GALNT5: variants seen among roughly 807,000 people sequenced by gnomAD.
The protein encoded by GALNT5 is UDP-GalNAc:polypeptide N-acetylgalactosaminyltransferase 5.
A neutral mutation model predicts 85.4 loss-of-function variants in GALNT5; 72 were observed. That is an observed-to-expected ratio of 0.84 (90% CI 0.70 to 1.03). GALNT5 has a LOEUF of 1.03. Among genes scored for constraint, GALNT5 ranks in the 50% least tolerant of loss-of-function variants. The pLI, the probability that GALNT5 is intolerant of heterozygous loss-of-function variation, is 0.00. For synonymous variants in GALNT5, 404 were observed against 397.0 expected, an observed-to-expected ratio of 1.02 and a Z score of -0.21; for missense variants, 1,137 against 1,135.5, an observed-to-expected ratio of 1.00 and a Z score of -0.02.
chr2:157,289,017 G>A, intron 3 of GALNT5, among the ~76,000 whole-genome samples: 1 of 152,178 alleles, frequency 6.6e-6, no homozygotes, highest in East Asian at 1.9e-4. Flanking sequence ...AGCAGGTTTG[G>A]AATTGCAGTT....
intron 3 of GALNT5, among the ~76,000 whole-genome samples, chr2:157,295,061 A>T (rs905761140): frequency 2.0e-5 from 3 of 152,136 alleles, no homozygotes; most frequent in African/African-American, 7.2e-5. Context: ...GTGCAGGCCC[A>T]TAGTGTTACA....
At chr2:157,271,547 T>C (rs746984624) in intron 1 of GALNT5, among the ~76,000 whole-genome samples, 4 of 152,184 alleles carry the variant, frequency 2.6e-5, no homozygotes, top group African/African-American at 4.8e-5. Context: ...ATGTTATAGC[T>C]GAGATATCTG....
Position 157,296,434 on chromosome 2 carries a change from T to C in GALNT5, c.1918T>C (p.Trp640Arg). Residue 640 changes from tryptophan to arginine, a missense_variant, in exon 5 of 10, where the codon TGG becomes CGG. By Grantham distance (101) the Trp-to-Arg change is moderately radical. Coordinates refer to ENST00000259056, the MANE Select transcript of GALNT5 (RefSeq NM_014568.3). ...VDNFQRGIFV[W>R]PMNFGWRTIP... ...TAACTTTCAAAGAGGCATCTTTGTG[T>C]GGCCCATGAACTTTGGTTGGAGAAC... The C allele has an allele frequency of 6.2e-7, 1 of 1,608,734 alleles. No homozygotes were observed. The highest frequency in any genetic ancestry group is 8.5e-7 in the Non-Finnish European group (1 of 1,175,224).
rs1290855634 is a variant in GALNT5 at position 157,317,200 on chromosome 2, T to TA, written c.*5852_*5853insA. Among the ~76,000 whole-genome samples the TA allele has an allele frequency of 0.025, 3,154 of 128,224 alleles. 43 individuals carry two copies. Among genetic ancestry groups the TA allele is most frequent in the Non-Finnish European group, 0.034 (2,019 of 59,504 alleles). The allele number at this position is 128,224 out of a possible 152,430, so 84.1% of individuals were successfully genotyped here. A position where few individuals can be genotyped will look rare whatever the true frequency, so the allele number is the denominator to read the frequency against. On this transcript the variant is annotated 3_prime_UTR_variant, in exon 10 of 10. Coordinates refer to ENST00000259056, the MANE Select transcript of GALNT5 (RefSeq NM_014568.3). ...TATATATATATATATATATATATAT[T>TA]TTTTTTTTTGATGCTTTGATCTGGA...
At chr2:157,287,058 T>G (rs985764685) in intron 3 of GALNT5, among the ~76,000 whole-genome samples, 5 of 152,148 alleles carry the variant, frequency 3.3e-5, no homozygotes, top group African/African-American at 1.2e-4. Context: ...TGCTACTACA[T>G]AGGTGATAGA....
intron 7 of GALNT5, 136 bp from the exon 8 acceptor site, chr2:157,305,613 G>C (rs1036536870): frequency 3.4e-6 from 2 of 592,842 alleles, no homozygotes; most frequent in African/African-American, 3.7e-5. Flanking sequence ...AATAAAACTG[G>C]ATAGTGCTAA....
chr2:157,275,608 A>C (rs182447538), intron 1 of GALNT5, among the ~76,000 whole-genome samples: 1 of 152,292 alleles, frequency 6.6e-6, no homozygotes, highest in African/African-American at 2.4e-5. Flanking sequence ...GAGTTCACTA[A>C]TGATTTGGCT....
In GALNT5 at chr2:157,296,410, A is replaced by ATT. The variant is rs1226720811; in HGVS notation, c.1894_1895insTT (p.Asn632IlefsTer12). 4.3e-6 allele frequency: 7 copies of ATT among 1,609,752 alleles called. No homozygotes were observed. The highest frequency in any genetic ancestry group is 6.0e-6 in the Non-Finnish European group (7 of 1,176,124). On this transcript the variant is annotated frameshift_variant, in exon 5 of 10. Coordinates refer to ENST00000259056, the MANE Select transcript of GALNT5 (RefSeq NM_014568.3). LOFTEE classifies it high-confidence loss of function. ...CTGGATTAGTTACATGACAGTGGAT[A>ATT]ACTTTCAAAGAGGCATCTTTGTGTG... is the stretch of plus-strand genomic sequence containing the variant.
intron 1 of GALNT5, among the ~76,000 whole-genome samples, chr2:157,279,962 A>T (rs908801973): frequency 6.6e-6 from 1 of 152,054 alleles, no homozygotes. Flanking sequence ...ACAGACCTCA[A>T]TTTTTTGTAT....
chr2:157,274,779 C>G (rs934710072), intron 1 of GALNT5, among the ~76,000 whole-genome samples: 1 of 152,040 alleles, frequency 6.6e-6, no homozygotes, highest in African/African-American at 2.4e-5. Context: ...ATTCTGTAGG[C>G]TGCCTGTTCA....
intron 5 of GALNT5, among the ~76,000 whole-genome samples, chr2:157,298,230 A>G (rs2105159271): frequency 6.6e-6 from 1 of 152,256 alleles, no homozygotes; most frequent in South Asian, 2.1e-4. Context: ...ATTCCTGCTG[A>G]CTTCCCAAAC....
chr2:157,285,865 C>A lies in GALNT5; in HGVS notation c.1622-150C>A, dbSNP rs187287249. ...AGATAGAATCCTTCCAAGAAAATGA[C>A]ATCAGAAAATAAAATTATGACCCAA... is the stretch of plus-strand genomic sequence containing the variant. On this transcript the variant is annotated intron_variant, in intron 2 of 9. Coordinates refer to ENST00000259056, the MANE Select transcript of GALNT5 (RefSeq NM_014568.3). 4 of 592,814 alleles carry A rather than the reference C, an allele frequency of 6.7e-6. No individual in the cohort carries two copies. In the East Asian group the frequency reaches 1.1e-4, roughly 17 times the overall value. The allele number at this position is 592,814 out of a possible 1,614,324, so 36.7% of individuals were successfully genotyped here.
chr2:157,298,294 A>G (rs116729021), intron 5 of GALNT5, among the ~76,000 whole-genome samples: 1,614 of 152,218 alleles, frequency 0.011, 20 homozygotes, highest in African/African-American at 0.037. Context: ...AAGGCCGATT[A>G]ACACCCACTT....
chr2:157,291,038 G>A (rs1357032359), intron 3 of GALNT5, among the ~76,000 whole-genome samples: 18 of 152,110 alleles, frequency 1.2e-4, no homozygotes, highest in Admixed American at 1.2e-3. Context: ...AAATTGACAG[G>A]TAGGCCGGGG....
intron 9 of GALNT5, among the ~76,000 whole-genome samples, chr2:157,310,044 C>T (rs376145996): frequency 1.3e-5 from 2 of 152,032 alleles, no homozygotes; most frequent in East Asian, 1.9e-4. Context: ...TGAATAAGAA[C>T]GAGAACTAAA....
At position 157,317,828 on chromosome 2, in the gene GALNT5, T is replaced by C. The variant is rs761968340; in HGVS notation, c.*6480T>C. On this transcript the variant is annotated 3_prime_UTR_variant, in exon 10 of 10. Transcript: ENST00000259056. ...GAGTTCAGCTGCTTACTACTACCCA[T>C]GTCATTGTGTTTGTATTGATTGCCT... Among the ~76,000 whole-genome samples, 1 of 152,106 alleles carries C rather than the reference T, an allele frequency of 6.6e-6. No homozygotes were observed. Among genetic ancestry groups the C allele is most frequent in the African/African-American group, 2.4e-5 (1 of 41,438 alleles).
intron 1 of GALNT5, among the ~76,000 whole-genome samples, chr2:157,278,302 G>A (rs1016267385): frequency 4.6e-5 from 7 of 152,082 alleles, no homozygotes; most frequent in African/African-American, 1.4e-4. Context: ...TATGTGTCTT[G>A]GAGTTGCTCT....
intron 3 of GALNT5, among the ~76,000 whole-genome samples, chr2:157,290,761 C>T (rs1683082542): frequency 6.6e-6 from 1 of 152,014 alleles, no homozygotes; most frequent in African/African-American, 2.4e-5. Context: ...CAAAGACATG[C>T]AGAAATAGAA....
At chr2:157,284,612 A>G (rs529341755) in intron 2 of GALNT5, among the ~76,000 whole-genome samples, 164 bp downstream of exon 2, 2 of 152,336 alleles carry the variant, frequency 1.3e-5, no homozygotes, top group South Asian at 4.1e-4. Flanking sequence ...CTAAGCATCT[A>G]TGGACGTTAA....
Sources: allele counts gnomAD v4.1 joint callset (sites outside exome capture counted in the v4.1 genomes callset), GRCh38; gene constraint gnomAD v4.1.1; transcripts MANE v1.5; gene names NCBI Gene and HGNC (gene_info 2026-07-23, HGNC 2026-07-21).